CASQ2: variants seen among roughly 807,000 people sequenced by gnomAD.
CASQ2 encodes calsequestrin 2, also known as calsequestrin-2.
CASQ2 carries 49 observed loss-of-function variants against 46.5 expected under a neutral mutation model. The ratio of observed to expected loss-of-function variants is 1.05; its 90% confidence interval spans 0.84 to 1.34. The LOEUF (loss-of-function observed/expected upper bound fraction) is 1.34. CASQ2 is among the 40% of genes most tolerant of loss of function. The pLI, the probability that CASQ2 is intolerant of heterozygous loss-of-function variation, is 0.00. For missense variants in CASQ2, 486 were observed against 481.3 expected (o/e 1.01, Z -0.09); for synonymous variants, 174 against 168.5 (o/e 1.03, Z -0.25).
At chr1:115,702,197 C>G (rs990990922) in intron 10 of CASQ2, among the ~76,000 whole-genome samples, 11 of 151,706 alleles carry the variant, frequency 7.3e-5, no homozygotes, top group African/African-American at 2.7e-4. Flanking sequence ...GCTGGGATTA[C>G]AGGCATGAGC....
intron 5 of CASQ2, among the ~76,000 whole-genome samples, chr1:115,731,863 A>C (rs1334950635): frequency 6.6e-6 from 1 of 152,120 alleles, no homozygotes; most frequent in Non-Finnish European, 1.5e-5. Flanking sequence ...GCACAAAGAG[A>C]CTTCTTAGCA....
intron 1 of CASQ2, among the ~76,000 whole-genome samples, chr1:115,766,865 T>TGATAGATA (rs58728885): frequency 0.021 from 3,093 of 144,944 alleles, 34 homozygotes; most frequent in East Asian, 0.025. Context: ...GAGCTAGAGA[T>TGATAGATA]GATAGATAGA....
intron 8 of CASQ2, among the ~76,000 whole-genome samples, chr1:115,707,358 T>C (rs971715466): frequency 2.6e-5 from 4 of 152,224 alleles, no homozygotes; most frequent in Admixed American, 2.6e-4. Flanking sequence ...TGGCCACTTC[T>C]TGCAGAAATA....
Position 115,744,872 on chromosome 1 carries a change from A to C in CASQ2, c.275T>G (p.Val92Gly). 1 of 1,613,968 alleles carries C rather than the reference A, an allele frequency of 6.2e-7. No individual in the cohort carries two copies. The highest frequency in any genetic ancestry group is 8.5e-7 in the Non-Finnish European group (1 of 1,179,922). Reference protein sequence around the residue: ...QVLEHKAIGFVMVDAKKEAKL... With the variant: ...QVLEHKAIGFGMVDAKKEAKL... ...GGCTTCTTTCTTGGCATCCACCATC[A>C]CAAAGCCTATAGCTTTATGTTCAAG... is the stretch of plus-strand genomic sequence containing the variant. The change falls in exon 2 of 11, where the codon GTG becomes GGG. Residue 92 changes from valine (V) to glycine (G), a missense_variant. Physicochemically the swap from Val to Gly is moderately radical, Grantham distance 109. Coordinates refer to ENST00000261448, the MANE Select transcript of CASQ2 (RefSeq NM_001232.4).
chr1:115,727,754 G>A (rs932239795), intron 5 of CASQ2, among the ~76,000 whole-genome samples: 1 of 152,160 alleles, frequency 6.6e-6, no homozygotes, highest in Non-Finnish European at 1.5e-5. Context: ...TGGGTGGAAG[G>A]GCTCCCTGGG....
chr1:115,738,370 A>G (rs1648038405), intron 3 of CASQ2, 35 bp from the exon 4 acceptor site: 3 of 1,295,180 alleles, frequency 2.3e-6, no homozygotes, highest in Non-Finnish European at 2.2e-6. Flanking sequence ...ACATGTTCAA[A>G]CAAGAGATTT....
chr1:115,719,158 T>C lies in CASQ2; in HGVS notation c.784-1264A>G, dbSNP rs373396262. On this transcript the variant is annotated intron_variant, in intron 7 of 10. Transcript: ENST00000261448. The stretch of plus-strand genomic sequence containing the variant: ...TCCACAAATTCTAAGAAAGATTAAA[T>C]GGAAAATATTATTATTAAAAACAAG... Among the ~76,000 whole-genome samples the C allele has an allele frequency of 5.9e-5, 9 of 152,322 alleles. No homozygotes were observed. The East Asian group carries it at 1.7e-3, about 29-fold the overall frequency.
Position 115,744,854 on chromosome 1 carries a change from T to C in CASQ2, c.293A>G (p.Lys98Arg). 2 of 1,613,930 alleles carry C rather than the reference T, an allele frequency of 1.2e-6. No individual in the cohort carries two copies. The highest frequency in any genetic ancestry group is 1.7e-6 in the Non-Finnish European group (2 of 1,179,842). ...CAGTTTCTTGGCAAGCTTGGCTTCT[T>C]TCTTGGCATCCACCATCACAAAGCC... is the stretch of plus-strand genomic sequence containing the variant. ...AIGFVMVDAKKEAKLAKKLGF... is the reference protein window; with the variant it reads ...AIGFVMVDAKREAKLAKKLGF... The change falls in exon 2 of 11, where the codon AAA (lysine) becomes AGA (arginine). Residue 98 changes from lysine (K) to arginine (R), a missense_variant. Lys to Arg is a conservative substitution (Grantham distance 26). Transcript: ENST00000261448.
chr1:115,726,393 C>T (rs1345163898), intron 6 of CASQ2, among the ~76,000 whole-genome samples: 1 of 152,212 alleles, frequency 6.6e-6, no homozygotes, highest in South Asian at 2.1e-4. Context: ...TGCTTTCATG[C>T]CACAGCCGCA....
chr1:115,738,413 G>A (rs1648039792), intron 3 of CASQ2, 78 bp from the exon 4 acceptor site: 23 of 964,252 alleles, frequency 2.4e-5, no homozygotes, highest in Middle Eastern at 4.2e-4. Flanking sequence ...GTGCATTGGA[G>A]GGAAGTTGTA....
intron 8 of CASQ2, among the ~76,000 whole-genome samples, chr1:115,715,563 G>A (rs1275904241): frequency 2.0e-5 from 3 of 152,128 alleles, no homozygotes; most frequent in Admixed American, 2.0e-4. Context: ...GAGAGAAATG[G>A]GAGTGACTGC....
chr1:115,737,015 C>T (rs992935965), intron 4 of CASQ2, among the ~76,000 whole-genome samples: 5 of 152,140 alleles, frequency 3.3e-5, no homozygotes, highest in African/African-American at 1.2e-4. Context: ...TTTTGCTTCC[C>T]TCTTATCTGC....
At chr1:115,713,911 A>G (rs1654622622) in intron 8 of CASQ2, among the ~76,000 whole-genome samples, 1 of 152,162 alleles carries the variant, frequency 6.6e-6, no homozygotes. Context: ...ATGCCACTGC[A>G]TTGCCCTGGG....
At chr1:115,757,429 G>C (rs1443602360) in intron 1 of CASQ2, among the ~76,000 whole-genome samples, 1 of 152,184 alleles carries the variant, frequency 6.6e-6, no homozygotes, top group Non-Finnish European at 1.5e-5. Flanking sequence ...GAGTGGAGCA[G>C]GTGTGAATTT....
At chr1:115,719,861 T>G (rs540245986) in intron 7 of CASQ2, among the ~76,000 whole-genome samples, 14 of 152,278 alleles carry the variant, frequency 9.2e-5, no homozygotes, top group Middle Eastern at 3.4e-3. Context: ...GTCTTGGAAA[T>G]TCTGTTTTTA....
chr1:115,753,976 C>T (rs1648671435), intron 1 of CASQ2, among the ~76,000 whole-genome samples: 2 of 152,130 alleles, frequency 1.3e-5, no homozygotes, highest in African/African-American at 4.8e-5. Context: ...TTAAAAACAC[C>T]CTGGCTGTAA....
At chr1:115,765,926 G>A (rs1649119381) in intron 1 of CASQ2, among the ~76,000 whole-genome samples, 2 of 152,234 alleles carry the variant, frequency 1.3e-5, no homozygotes, top group African/African-American at 2.4e-5. Flanking sequence ...GGACAAAATA[G>A]ATGTTTTGAC....
At position 115,700,144 on chromosome 1, in the gene CASQ2, T is replaced by C. The variant is rs1654160785; in HGVS notation, c.*1097A>G. ...GTGCTAAAAGATTGAGAAAATAAAT[T>C]AGAAAATTATACTGCACACTTAACA... is the stretch of plus-strand genomic sequence containing the variant. On this transcript the variant is annotated 3_prime_UTR_variant, in exon 11 of 11. Coordinates refer to ENST00000261448, the MANE Select transcript of CASQ2 (RefSeq NM_001232.4). The C allele has an allele frequency of 1.3e-5, 2 of 152,598 alleles. No homozygotes were observed. The highest frequency in any genetic ancestry group is 2.4e-5 in the African/African-American group (1 of 41,436). The allele number at this position is 152,598 out of a possible 1,614,324, so 9.5% of individuals were successfully genotyped here. A position where few individuals can be genotyped will look rare whatever the true frequency, so the allele number is the denominator to read the frequency against.
chr1:115,701,505 T>C (rs759103405), intron 10 of CASQ2, 79 bp from the exon 11 acceptor site: 2 of 907,506 alleles, frequency 2.2e-6, no homozygotes, highest in Non-Finnish European at 3.7e-6. Context: ...GCTGAATAGC[T>C]ATGCTGAGTG....
Sources: allele counts gnomAD v4.1 joint callset (sites outside exome capture counted in the v4.1 genomes callset), GRCh38; gene constraint gnomAD v4.1.1; transcripts MANE v1.5; gene names NCBI Gene and HGNC (gene_info 2026-07-23, HGNC 2026-07-21).